The following TAF3 variants were observed in gnomAD, a reference collection of about 807,000 sequenced individuals.
TAF3 encodes TATA-box binding protein associated factor 3.
A neutral mutation model predicts 80.6 loss-of-function variants in TAF3; 7 were observed. The observed-to-expected ratio is 0.09, with a 90% CI of 0.05 to 0.16. The LOEUF (loss-of-function observed/expected upper bound fraction) is 0.16. TAF3 is among the 10% of genes least tolerant of loss of function. The pLI is 1.00. For missense variants in TAF3, 921 were observed against 1,140.2 expected (o/e 0.81, Z 2.77); for synonymous variants, 444 against 446.1 (o/e 1.00, Z 0.06).
intron 2 of TAF3, among the ~76,000 whole-genome samples, chr10:7,873,618 C>CCT (rs1588534041): frequency 3.5e-5 from 1 of 28,420 alleles, no homozygotes; most frequent in Admixed American, 2.3e-4. Flanking sequence ...TCCGAGTTCT[C>CCT]CCCCCCCCCC....
Position 8,014,905 on chromosome 10 carries a change from T to C in TAF3, c.*154T>C. ...CTGAGGCTGGAACACACCGCGCACC[T>C]GGATTGTTCACTCCCGAGCCGCCTT... is the stretch of plus-strand genomic sequence containing the variant. On this transcript the variant is annotated 3_prime_UTR_variant, in exon 7 of 7. Coordinates refer to ENST00000344293, the MANE Select transcript of TAF3 (RefSeq NM_031923.4). 1 of 634,616 alleles carries C rather than the reference T, an allele frequency of 1.6e-6. No homozygotes were observed. The highest frequency in any genetic ancestry group is 1.9e-5 in the African/African-American group (1 of 53,942). The allele number at this position is 634,616 out of a possible 1,614,324, so 39.3% of individuals were successfully genotyped here. A position where few individuals can be genotyped will look rare whatever the true frequency, so the allele number is the denominator to read the frequency against.
At position 7,818,536 on chromosome 10, in the gene TAF3, C is replaced by T. The variant is rs1391574379; in HGVS notation, c.-174C>T. 6.7e-6 allele frequency: 4 copies of T among 596,162 alleles called. No homozygotes were observed. Among genetic ancestry groups the T allele is most frequent in the African/African-American group, 2.0e-5 (1 of 51,172 alleles). 36.9% of individuals were successfully genotyped at this position (596,162 alleles called of 1,614,324 possible). A position where few individuals can be genotyped will look rare whatever the true frequency, so the allele number is the denominator to read the frequency against. Reference sequence around the variant, plus strand: ...AGGCGGAGCGAGTCCAAAATGGCGGCTCTCAGGCTGGCGCGCTCCGTGCTG... The same window carrying T: ...AGGCGGAGCGAGTCCAAAATGGCGGTTCTCAGGCTGGCGCGCTCCGTGCTG... On this transcript the variant is annotated 5_prime_UTR_variant, in exon 1 of 7. Transcript: ENST00000344293.
intron 5 of TAF3, among the ~76,000 whole-genome samples, chr10:8,012,070 A>G (rs1832061401): frequency 6.6e-6 from 1 of 152,140 alleles, no homozygotes; most frequent in African/African-American, 2.4e-5. Flanking sequence ...TCAACTACTC[A>G]GGAGGCTGAG....
intron 2 of TAF3, among the ~76,000 whole-genome samples, chr10:7,832,239 T>C (rs1836808583): frequency 1.3e-5 from 2 of 152,158 alleles, no homozygotes; most frequent in Non-Finnish European, 2.9e-5. Flanking sequence ...TGTTCTACTC[T>C]CTGCTTCTTG....
intron 2 of TAF3, among the ~76,000 whole-genome samples, chr10:7,831,477 C>T (rs11255391): frequency 0.049 from 7,405 of 152,178 alleles, 305 homozygotes; most frequent in Admixed American, 0.11. Context: ...TCTCCAGTAG[C>T]TGGGATTACA....
chr10:7,875,302 T>A (rs1230170956), intron 2 of TAF3, among the ~76,000 whole-genome samples: 2 of 152,186 alleles, frequency 1.3e-5, no homozygotes, highest in Non-Finnish European at 2.9e-5. Context: ...ACTTTTTTTT[T>A]AAAGTCCTAT....
rs561763892 is a variant in TAF3, at chr10:7,918,142, G to A, written c.410-45778G>A. Among the ~76,000 whole-genome samples the A allele has an allele frequency of 2.8e-4, 43 of 152,334 alleles. 1 individual carries two copies. The South Asian group carries it at 7.3e-3, about 26-fold the overall frequency. ...GAGTACATTGGCTGACTTGGGAAGA[G>A]GTAGTTCTGGTTGTTTTTACTAATG... On this transcript the variant is annotated intron_variant, in intron 2 of 6. Coordinates refer to ENST00000344293, the MANE Select transcript of TAF3 (RefSeq NM_031923.4).
At chr10:7,984,598 TC>T (rs769798883) in intron 4 of TAF3, among the ~76,000 whole-genome samples, 10 of 152,244 alleles carry the variant, frequency 6.6e-5, no homozygotes, top group South Asian at 2.1e-4. Context: ...CCTTAATGGG[TC>T]CAGGTCTTAT....
At chr10:7,862,746 T>C (rs1837160290) in intron 2 of TAF3, among the ~76,000 whole-genome samples, 1 of 152,240 alleles carries the variant, frequency 6.6e-6, no homozygotes, top group Non-Finnish European at 1.5e-5. Flanking sequence ...TTATTTTGCA[T>C]TTTTCTAGAA....
rs371142607 is a variant in TAF3, at chr10:7,887,835, A to G, written c.409+63275A>G. Among the ~76,000 whole-genome samples, 34 of 152,204 alleles carry G rather than the reference A, an allele frequency of 2.2e-4. 1 individual carries two copies. The East Asian group carries it at 5.6e-3, about 25-fold the overall frequency. The stretch of plus-strand genomic sequence containing the variant: ...TTGGCCACTTAAAAAAAAAAACACC[A>G]AAACAAATTATAGAATTGGAAAAGT... On this transcript the variant is annotated intron_variant, in intron 2 of 6. Coordinates refer to ENST00000344293, the MANE Select transcript of TAF3 (RefSeq NM_031923.4).
intron 4 of TAF3, among the ~76,000 whole-genome samples, chr10:7,982,542 G>C (rs1207665758): frequency 6.6e-6 from 1 of 152,094 alleles, no homozygotes; most frequent in African/African-American, 2.4e-5. Context: ...AGGATTTCAG[G>C]CATGTGCCAC....
intron 4 of TAF3, among the ~76,000 whole-genome samples, chr10:7,989,899 A>ATACT (rs1831817353): frequency 6.6e-6 from 1 of 152,232 alleles, no homozygotes; most frequent in South Asian, 2.1e-4. Flanking sequence ...GTGATATCAT[A>ATACT]TACTTACCTG....
chr10:7,967,393 C>T lies in TAF3; in HGVS notation c.2232+1651C>T, dbSNP rs1054685284. ...CAGATTAGGTTTGTAACAGCAGTCC[C>T]ATGCCTTTCTACAGCATCTACCTGA... is the stretch of plus-strand genomic sequence containing the variant. On this transcript the variant is annotated intron_variant, in intron 3 of 6. Transcript: ENST00000344293. Among the ~76,000 whole-genome samples, 8 of 151,828 alleles carry T rather than the reference C, an allele frequency of 5.3e-5. 1 individual carries two copies. Among genetic ancestry groups the T allele is most frequent in the African/African-American group, 1.9e-4 (8 of 41,112 alleles).
chr10:7,854,836 A>G (rs1011516488), intron 2 of TAF3, among the ~76,000 whole-genome samples: 2 of 152,170 alleles, frequency 1.3e-5, no homozygotes, highest in African/African-American at 4.8e-5. Context: ...GAACATTTAG[A>G]TTGTAGTGTG....
At chr10:7,853,403 C>T (rs940069474) in intron 2 of TAF3, among the ~76,000 whole-genome samples, 1 of 152,136 alleles carries the variant, frequency 6.6e-6, no homozygotes, top group Non-Finnish European at 1.5e-5. Context: ...TGCTACAGAT[C>T]ATGGCATGAT....
chr10:7,917,589 G>A (rs1285963121), intron 2 of TAF3, among the ~76,000 whole-genome samples: 1 of 152,210 alleles, frequency 6.6e-6, no homozygotes, highest in Non-Finnish European at 1.5e-5. Flanking sequence ...ATGCAGCATG[G>A]TCTAATTTCT....
rs1339011491 is a variant in TAF3, at chr10:7,965,704, A to G, written c.2194A>G (p.Lys732Glu). The G allele has an allele frequency of 1.3e-6, 2 of 1,555,388 alleles. No homozygotes were observed. Among genetic ancestry groups the G allele is most frequent in the African/African-American group, 2.8e-5 (2 of 71,966 alleles). ...EREKEKRERE[K>E]REKEKEKHKH... is the part of the protein sequence containing the mutation. Reference sequence around the variant, plus strand: ...AGAGAAAGAGAAGAGAGAGCGAGAGAAGAGAGAAAAAGAGAAGGAGAAACA... The same window carrying G: ...AGAGAAAGAGAAGAGAGAGCGAGAGGAGAGAGAAAAAGAGAAGGAGAAACA... Residue 732 changes from lysine to glutamate, a missense_variant, in exon 3 of 7, where the codon AAG (lysine) becomes GAG (glutamate). Around this residue, in one of 6 missense-constraint regions of TAF3, gnomAD observed 743 missense variants for 821.0 expected, o/e 0.90. Transcript: ENST00000344293.
At chr10:8,011,341 C>T (rs1306142921) in intron 5 of TAF3, among the ~76,000 whole-genome samples, 2 of 152,134 alleles carry the variant, frequency 1.3e-5, no homozygotes, top group African/African-American at 4.8e-5. Flanking sequence ...GCAGCCTCGA[C>T]CTCCTGGGCC....
chr10:7,991,804 A>G (rs780201968), intron 4 of TAF3, among the ~76,000 whole-genome samples: 1 of 152,200 alleles, frequency 6.6e-6, no homozygotes, highest in African/African-American at 2.4e-5. Flanking sequence ...TTGAATTTTA[A>G]TATATTTTGA....
Sources: allele counts gnomAD v4.1 joint callset (sites outside exome capture counted in the v4.1 genomes callset), GRCh38; gene constraint gnomAD v4.1.1; regional missense constraint gnomAD v4.1.1; transcripts MANE v1.5; gene names NCBI Gene and HGNC (gene_info 2026-07-23, HGNC 2026-07-21).